Variants in XXYLT1 observed in about 807,000 individuals in gnomAD.
XXYLT1 encodes the protein xyloside xylosyltransferase 1.
A neutral mutation model predicts 28.9 loss-of-function variants in XXYLT1; 20 were observed. The observed-to-expected ratio is 0.69, with a 90% CI of 0.49 to 1.00. XXYLT1 has a LOEUF of 1.00. Among genes scored for constraint, XXYLT1 ranks in the 50% least tolerant of loss-of-function variants. The pLI, the probability that XXYLT1 is intolerant of heterozygous loss-of-function variation, is 0.00. For missense variants in XXYLT1, 542 were observed against 560.1 expected (o/e 0.97, Z 0.33); for synonymous variants, 257 against 253.8 (o/e 1.01, Z -0.12).
At chr3:195,113,841 T>G (rs1217595671) in intron 3 of XXYLT1, among the ~76,000 whole-genome samples, 2 of 151,928 alleles carry the variant, frequency 1.3e-5, no homozygotes, top group South Asian at 4.2e-4. Context: ...TGCCAGAGGG[T>G]GCTCCTGAGG....
intron 3 of XXYLT1, among the ~76,000 whole-genome samples, chr3:195,140,652 T>A (rs1373732541): frequency 1.4e-5 from 2 of 147,218 alleles, no homozygotes; most frequent in Admixed American, 6.8e-5. Flanking sequence ...AGAGAGAGAG[T>A]GAGAGAGAGA....
At chr3:195,223,090 G>A (rs921022247) in intron 2 of XXYLT1, among the ~76,000 whole-genome samples, 10 of 151,762 alleles carry the variant, frequency 6.6e-5, no homozygotes, top group Admixed American at 1.3e-4. Flanking sequence ...AAAATTAGCC[G>A]GACATGGTGG....
chr3:195,138,053 C>T lies in XXYLT1; in HGVS notation c.785+18396G>A, dbSNP rs369001681. Among the ~76,000 whole-genome samples, 18 of 152,244 alleles carry T rather than the reference C, an allele frequency of 1.2e-4. 1 individual carries two copies. The highest frequency in any genetic ancestry group is 3.4e-4 in the African/African-American group (14 of 41,532). The stretch of plus-strand genomic sequence containing the variant: ...GGCTTTAAGAGGTTTAAGTATGTTT[C>T]GCAAAGTCATTTGGCCAGTAAGTGA... On this transcript the variant is annotated intron_variant, in intron 3 of 3. Transcript: ENST00000310380.
intron 2 of XXYLT1, among the ~76,000 whole-genome samples, chr3:195,219,358 T>A (rs1323719151): frequency 2.0e-5 from 3 of 152,116 alleles, no homozygotes; most frequent in Non-Finnish European, 2.9e-5. Flanking sequence ...AACAAATAAA[T>A]GAAAACTCAA....
At chr3:195,236,400 T>C (rs1019351748) in intron 1 of XXYLT1, among the ~76,000 whole-genome samples, 2 of 152,092 alleles carry the variant, frequency 1.3e-5, no homozygotes, top group African/African-American at 2.4e-5. Flanking sequence ...TGGGGAGTGC[T>C]GCCAGAGCGC....
In XXYLT1 at chr3:195,158,995, C is replaced by A. The variant is rs936559002; in HGVS notation, c.653-2414G>T. ...TTTGTGAGGACAAAATGAGACTGAT[C>A]CATGGAAGTAACATCGCAGAGAAGA... On this transcript the variant is annotated intron_variant, in intron 2 of 3. Coordinates refer to ENST00000310380, the MANE Select transcript of XXYLT1 (RefSeq NM_152531.5). Among the ~76,000 whole-genome samples the A allele has an allele frequency of 2.0e-5, 3 of 152,044 alleles. No homozygotes were observed. In the East Asian group the frequency reaches 5.8e-4, roughly 29 times the overall value.
intron 3 of XXYLT1, among the ~76,000 whole-genome samples, chr3:195,098,621 C>T (rs1716590895): frequency 6.6e-6 from 1 of 152,220 alleles, no homozygotes; most frequent in African/African-American, 2.4e-5. Flanking sequence ...AATCTCTCTT[C>T]ACAGTGGCAG....
intron 1 of XXYLT1, among the ~76,000 whole-genome samples, chr3:195,237,992 C>T (rs1371900743): frequency 6.6e-6 from 1 of 152,180 alleles, no homozygotes; most frequent in African/African-American, 2.4e-5. Flanking sequence ...CTGCCCCATT[C>T]TGTTATACCT....
At chr3:195,070,709 T>C (rs915249102) in intron 3 of XXYLT1, among the ~76,000 whole-genome samples, 4 of 152,154 alleles carry the variant, frequency 2.6e-5, no homozygotes, top group African/African-American at 9.7e-5. Context: ...GGAACAGAAC[T>C]GTTTTCTGCT....
chr3:195,270,063 A>G (rs528801014), intron 1 of XXYLT1: 11 of 231,672 alleles, frequency 4.7e-5, no homozygotes, highest in South Asian at 4.3e-4. Context: ...GTTCACAATG[A>G]GTTTGACCAG....
intron 2 of XXYLT1, among the ~76,000 whole-genome samples, chr3:195,167,029 C>T (rs2108705474): frequency 6.6e-6 from 1 of 152,356 alleles, no homozygotes; most frequent in Non-Finnish European, 1.5e-5. Flanking sequence ...CTGATGTTTC[C>T]TCCTGACTAG....
intron 2 of XXYLT1, chr3:195,175,533 C>A: frequency 6.6e-7 from 1 of 1,519,934 alleles, no homozygotes; most frequent in South Asian, 1.2e-5. Flanking sequence ...ATGGGCTGTT[C>A]AGATGGAGAT....
rs140455127 is a variant in XXYLT1, at chr3:195,122,380, G to A, written c.785+34069C>T. On this transcript the variant is annotated intron_variant, in intron 3 of 3. Transcript: ENST00000310380. ...TCTGATATCTCCCCATCCTCCAGAC[G>A]AAGGTGGAACACCAGCTCAGTGTCT... Among the ~76,000 whole-genome samples the A allele has an allele frequency of 9.1e-4, 139 of 152,294 alleles. 2 individuals carry two copies. The East Asian group carries it at 0.026, about 29-fold the overall frequency.
rs528388611 is a variant in XXYLT1, at chr3:195,076,067, G to A, written c.786-5956C>T. Among the ~76,000 whole-genome samples the A allele has an allele frequency of 7.9e-5, 12 of 152,296 alleles. No individual in the cohort carries two copies. The highest frequency in any genetic ancestry group is 2.1e-4 in the South Asian group (1 of 4,828). On this transcript the variant is annotated intron_variant, in intron 3 of 3. Transcript: ENST00000310380. The surrounding 1 kb of genome is among the most constrained non-coding windows in gnomAD (Gnocchi z 5.3). ...CCCCTCCAGAAAGAACCAGCACCAC[G>A]GCCTCCGCCTCCTGGAGCCTCTCCC...
chr3:195,225,793 A>T (rs1223980685), intron 2 of XXYLT1, among the ~76,000 whole-genome samples: 1 of 152,044 alleles, frequency 6.6e-6, no homozygotes, highest in African/African-American at 2.4e-5. Flanking sequence ...TTCTCATGCT[A>T]GTGAGTGAGT....
At chr3:195,178,838 A>C (rs935251938) in intron 2 of XXYLT1, among the ~76,000 whole-genome samples, 9 of 152,244 alleles carry the variant, frequency 5.9e-5, no homozygotes, top group African/African-American at 2.2e-4. Flanking sequence ...TGAATTTGTA[A>C]AAGAAAGGAA....
chr3:195,106,205 T>C (rs1717071960), intron 3 of XXYLT1, among the ~76,000 whole-genome samples: 2 of 152,162 alleles, frequency 1.3e-5, no homozygotes, highest in Non-Finnish European at 2.9e-5. Flanking sequence ...ACTGCCATTC[T>C]GTCATTCACT....
chr3:195,143,905 A>AT (rs1319210038), intron 3 of XXYLT1, among the ~76,000 whole-genome samples: 10 of 108,172 alleles, frequency 9.2e-5, no homozygotes, highest in South Asian at 3.5e-4. Flanking sequence ...TTTTATTTTT[A>AT]TTTTTTTTTT....
intron 3 of XXYLT1, among the ~76,000 whole-genome samples, chr3:195,128,713 C>G (rs1018593390): frequency 2.6e-5 from 4 of 152,220 alleles, no homozygotes; most frequent in African/African-American, 4.8e-5. Flanking sequence ...CTGATTACCT[C>G]TAATTGGGCC....
Sources: allele counts gnomAD v4.1 joint callset (sites outside exome capture counted in the v4.1 genomes callset), GRCh38; gene constraint gnomAD v4.1.1; non-coding constraint Gnocchi (gnomAD v3.1); transcripts MANE v1.5; gene names NCBI Gene and HGNC (gene_info 2026-07-23, HGNC 2026-07-21).